Variants in NFIC observed in about 807,000 individuals in gnomAD.
NFIC encodes the protein nuclear factor 1 C-type.
A neutral mutation model predicts 54.4 loss-of-function variants in NFIC; 12 were observed. That is an observed-to-expected ratio of 0.22 (90% CI 0.14 to 0.36). The LOEUF (loss-of-function observed/expected upper bound fraction) is 0.36. Among genes scored for constraint, NFIC ranks in the 10% least tolerant of loss-of-function variants. The pLI is 1.00. For missense variants in NFIC, 575 were observed against 718.2 expected (o/e 0.80, Z 2.28); for synonymous variants, 322 against 319.2 (o/e 1.01, Z -0.09).
chr19:3,463,268 C>G lies in NFIC; in HGVS notation c.*499C>G, dbSNP rs1292214562. Reference sequence around the variant, plus strand: ...CGACACCCAGCAAGGCCACCTCTCCCCGGGCCCCCGCGCCTCTGCCGGACA... The same window carrying G: ...CGACACCCAGCAAGGCCACCTCTCCGCGGGCCCCCGCGCCTCTGCCGGACA... On this transcript the variant is annotated 3_prime_UTR_variant, in exon 11 of 11. Coordinates refer to ENST00000443272, the MANE Select transcript of NFIC (RefSeq NM_001245002.2). 2.0e-6 allele frequency: 2 copies of G among 990,524 alleles called. No individual in the cohort carries two copies. Among genetic ancestry groups the G allele is most frequent in the Non-Finnish European group, 2.4e-6 (2 of 833,804 alleles). The allele number at this position is 990,524 out of a possible 1,614,324, so 61.4% of individuals were successfully genotyped here. A position where few individuals can be genotyped will look rare whatever the true frequency, so the allele number is the denominator to read the frequency against.
rs368482825 is a variant in NFIC at position 3,403,039 on chromosome 19, C to T, written c.562+20796C>T. On this transcript the variant is annotated intron_variant, in intron 2 of 10. Coordinates refer to ENST00000443272, the MANE Select transcript of NFIC (RefSeq NM_001245002.2). ...TTTTGCACCTGCTGTATACCAGATC[C>T]TATCAGGAGAATCCCAAATATTCAT... Among the ~76,000 whole-genome samples, 47 of 152,334 alleles carry T rather than the reference C, an allele frequency of 3.1e-4. 1 individual carries two copies. The highest frequency in any genetic ancestry group is 1.1e-3 in the African/African-American group (44 of 41,572).
chr19:3,435,351 C>T, intron 6 of NFIC, 144 bp downstream of exon 6: 1 of 1,225,432 alleles, frequency 8.2e-7, no homozygotes, highest in Non-Finnish European at 1.1e-6. Context: ...TGTAGTCGTC[C>T]CGAGCTGCGC....
intron 2 of NFIC, among the ~76,000 whole-genome samples, chr19:3,413,185 G>A (rs919021085): frequency 3.3e-5 from 5 of 152,108 alleles, no homozygotes; most frequent in African/African-American, 1.2e-4. Context: ...CCGACCTCAG[G>A]TGATCTACTC....
chr19:3,436,161 T>TTTGTTTC (rs1568181965), intron 6 of NFIC, among the ~76,000 whole-genome samples: 7 of 106,448 alleles, frequency 6.6e-5, no homozygotes, highest in African/African-American at 3.2e-4. Flanking sequence ...TTGTTTGTTT[T>TTTGTTTC]TGAAACGGAG....
rs1247861449 is a variant in NFIC, at chr19:3,467,213, C to G, written c.*4444C>G. 5.9e-5 allele frequency: 3 copies of G among 50,788 alleles called. No individual in the cohort carries two copies. Among genetic ancestry groups the G allele is most frequent in the African/African-American group, 9.2e-5 (1 of 10,818 alleles). The allele number at this position is 50,788 out of a possible 1,614,324, so 3.1% of individuals were successfully genotyped here. Reference sequence around the variant, plus strand: ...CTATGGACACCACACCTATGCCAGGCCCCCCCCCCCACCCCAGTCTCATTC... The same window carrying G: ...CTATGGACACCACACCTATGCCAGGGCCCCCCCCCCACCCCAGTCTCATTC... On this transcript the variant is annotated 3_prime_UTR_variant, in exon 11 of 11. Transcript: ENST00000443272.
chr19:3,464,125 C>T lies in NFIC; in HGVS notation c.*1356C>T, dbSNP rs1415782577. On this transcript the variant is annotated 3_prime_UTR_variant, in exon 11 of 11. Transcript: ENST00000443272. The stretch of plus-strand genomic sequence containing the variant: ...CCTTACATTCTGGAGCGACCCCCCT[C>T]CCTGGTGCCTCCCAGCGAAGGGGGA... The T allele has an allele frequency of 6.3e-5, 62 of 985,340 alleles. No homozygotes were observed. Among genetic ancestry groups the T allele is most frequent in the Non-Finnish European group, 7.4e-5 (61 of 829,904 alleles). The allele number at this position is 985,340 out of a possible 1,614,324, so 61.0% of individuals were successfully genotyped here.
chr19:3,383,958 C>T (rs1023808608), intron 2 of NFIC, among the ~76,000 whole-genome samples: 2 of 152,068 alleles, frequency 1.3e-5, no homozygotes, highest in African/African-American at 4.8e-5. Flanking sequence ...ACAGCCATGC[C>T]ACCTTCTAGA....
At chr19:3,361,414 A>G (rs961432011) in intron 1 of NFIC, among the ~76,000 whole-genome samples, 4 of 152,132 alleles carry the variant, frequency 2.6e-5, no homozygotes, top group African/African-American at 9.7e-5. Flanking sequence ...TCCCGCCTCC[A>G]GCACTTGCCC....
chr19:3,360,202 G>A (rs1349548264), intron 1 of NFIC, among the ~76,000 whole-genome samples: 1 of 145,562 alleles, frequency 6.9e-6, no homozygotes, highest in Non-Finnish European at 1.5e-5. Context: ...TGGCCGCTGC[G>A]GAGAGGGGCG....
At chr19:3,434,600 G>A (rs1479693442) in intron 5 of NFIC, among the ~76,000 whole-genome samples, 200 bp downstream of exon 5, 1 of 152,074 alleles carries the variant, frequency 6.6e-6, no homozygotes, top group Non-Finnish European at 1.5e-5. Context: ...AGCCCACCGT[G>A]GGCTCCCCCA....
In NFIC at chr19:3,458,777, G is replaced by A. The variant is rs1276437438; in HGVS notation, c.1509+2142G>A. Among the ~76,000 whole-genome samples, 1 of 152,088 alleles carries A rather than the reference G, an allele frequency of 6.6e-6. No individual in the cohort carries two copies. The highest frequency in any genetic ancestry group is 1.9e-4 in the East Asian group (1 of 5,190). ...TGGGGTAGTGGGGAGCCATAGAAGG[G>A]TTTAGAGGGAGGGAGTGGACACCCA... On this transcript the variant is annotated intron_variant, in intron 10 of 10. Coordinates refer to ENST00000443272, the MANE Select transcript of NFIC (RefSeq NM_001245002.2). The surrounding 1 kb of genome is among the most constrained non-coding windows in gnomAD (Gnocchi z 4.1).
Position 3,457,640 on chromosome 19 carries a change from C to T in NFIC, c.1509+1005C>T, listed in dbSNP as rs370849749. Among the ~76,000 whole-genome samples the T allele has an allele frequency of 2.5e-3, 384 of 152,284 alleles. 3 individuals are homozygous for T. The highest frequency in any genetic ancestry group is 8.8e-3 in the African/African-American group (364 of 41,556). Reference sequence around the variant, plus strand: ...GAGAAACGAGCTCTGGGCTACCCAGCGGCCACGGAACTGCAGAGCGTGGAG... The same window carrying T: ...GAGAAACGAGCTCTGGGCTACCCAGTGGCCACGGAACTGCAGAGCGTGGAG... On this transcript the variant is annotated intron_variant, in intron 10 of 10. Transcript: ENST00000443272.
At position 3,452,372 on chromosome 19, in the gene NFIC, A is replaced by C; in HGVS notation, c.1085-110A>C. The C allele has an allele frequency of 7.1e-7, 1 of 1,402,730 alleles. No homozygotes were observed. The highest frequency in any genetic ancestry group is 9.8e-7 in the Non-Finnish European group (1 of 1,023,688). The allele number at this position is 1,402,730 out of a possible 1,614,324, so 86.9% of individuals were successfully genotyped here. Reference sequence around the variant, plus strand: ...GTTTTTTTGGTGGTTATTGTTACTAAACGCACTGAGATGCCGGCAGGAATG... The same window carrying C: ...GTTTTTTTGGTGGTTATTGTTACTACACGCACTGAGATGCCGGCAGGAATG... On this transcript the variant is annotated intron_variant, in intron 7 of 10. Coordinates refer to ENST00000443272, the MANE Select transcript of NFIC (RefSeq NM_001245002.2). This position sits in a 1 kb window ranked among gnomAD's most constrained non-coding sequence, Gnocchi z 5.3.
At chr19:3,379,326 A>G (rs1259026502) in intron 1 of NFIC, among the ~76,000 whole-genome samples, 3 of 150,658 alleles carry the variant, frequency 2.0e-5, no homozygotes, top group Non-Finnish European at 4.4e-5. Context: ...CCAAAGTGCT[A>G]GGATTACAGG....
chr19:3,370,650 TCTCCCTCCCTACCTCC>T lies in NFIC; in HGVS notation c.30+3988_30+4003del, dbSNP rs2080988748. ...TCTCCTTCTCTCTTCTCTCTCTCTT[TCTCCCTCCCTACCTCC>T]CTCTCTGTTCCTCTTCTTTCTCTCT... On this transcript the variant is annotated intron_variant, in intron 1 of 10. Transcript: ENST00000443272. This position sits in a 1 kb window ranked among gnomAD's most constrained non-coding sequence, Gnocchi z 5.2. Among the ~76,000 whole-genome samples, 1 of 149,842 alleles carries T rather than the reference TCTCCCTCCCTACCTCC, an allele frequency of 6.7e-6. No homozygotes were observed. Among genetic ancestry groups the T allele is most frequent in the Non-Finnish European group, 1.5e-5 (1 of 67,292 alleles).
rs2082681785 is a variant in NFIC at position 3,464,067 on chromosome 19, G to C, written c.*1298G>C. 3.8e-5 allele frequency: 37 copies of C among 984,886 alleles called. No individual in the cohort carries two copies. The highest frequency in any genetic ancestry group is 6.2e-5 in the Admixed American group (1 of 16,228). The allele number at this position is 984,886 out of a possible 1,614,324, so 61.0% of individuals were successfully genotyped here. The stretch of plus-strand genomic sequence containing the variant: ...GGGCGCGGGGGTGGGCTCTGGGGAA[G>C]CCGGTGCGCCCCCCACGCCTCCGCT... On this transcript the variant is annotated 3_prime_UTR_variant, in exon 11 of 11. Coordinates refer to ENST00000443272, the MANE Select transcript of NFIC (RefSeq NM_001245002.2).
chr19:3,447,859 G>A (rs1052335250), intron 6 of NFIC, among the ~76,000 whole-genome samples: 4 of 152,242 alleles, frequency 2.6e-5, no homozygotes, highest in African/African-American at 7.2e-5. Context: ...TTTGGTGGGT[G>A]AGCCTCCCTG....
At chr19:3,371,931 CCTT>C (rs2081021317) in intron 1 of NFIC, among the ~76,000 whole-genome samples, 1 of 132,224 alleles carries the variant, frequency 7.6e-6, no homozygotes, top group Admixed American at 7.5e-5. Context: ...TTCCTTCCTT[CCTT>C]CCTTCCCTCC....
Position 3,438,732 on chromosome 19 carries a change from C to T in NFIC, c.958+3525C>T, listed in dbSNP as rs147441107. On this transcript the variant is annotated intron_variant, in intron 6 of 10. Transcript: ENST00000443272. ...GATTACAGGCGTGAGCCACCGCACC[C>T]GGCCTCCTCCTGAGGGTTTCATCCT... Among the ~76,000 whole-genome samples, 16 of 152,030 alleles carry T rather than the reference C, an allele frequency of 1.1e-4. No individual in the cohort carries two copies. In the East Asian group the frequency reaches 2.7e-3, roughly 26 times the overall value.
Sources: gnomAD v4.1 joint callset for allele counts (sites outside exome capture counted in the v4.1 genomes callset) on GRCh38, gnomAD v4.1.1 for gene constraint, Gnocchi (gnomAD v3.1) non-coding constraint, MANE v1.5 for transcripts, NCBI Gene and HGNC (gene_info 2026-07-23, HGNC 2026-07-21) for gene names.